Variants in MALT1 observed in about 807,000 individuals in gnomAD.
MALT1 encodes mucosa-associated lymphoid tissue lymphoma translocation protein 1.
A neutral mutation model predicts 85.5 loss-of-function variants in MALT1; 36 were observed. The ratio of observed to expected loss-of-function variants is 0.42; its 90% CI spans 0.32 to 0.56. The LOEUF (loss-of-function observed/expected upper bound fraction) is 0.56. Ranked by LOEUF, MALT1 falls within the 20% of genes least tolerant of loss-of-function variation. The pLI is 0.10. For synonymous variants in MALT1, 359 were observed against 361.3 expected (o/e 0.99, Z 0.07); for missense variants, 716 against 981.6 (o/e 0.73, Z 3.62).
At chr18:58,734,869 C>A (rs973208447) in intron 12 of MALT1, among the ~76,000 whole-genome samples, 3 of 152,030 alleles carry the variant, frequency 2.0e-5, no homozygotes, top group Non-Finnish European at 4.4e-5. Flanking sequence ...CTAACATTTT[C>A]TTTTTAAAAA....
chr18:58,677,728 G>T (rs957435572), intron 1 of MALT1: 1 of 152,154 alleles, frequency 6.6e-6, no homozygotes, highest in Non-Finnish European at 1.5e-5. Context: ...ACTGCAGATT[G>T]TGCTGCCACT....
intron 10 of MALT1, among the ~76,000 whole-genome samples, chr18:58,729,900 G>A (rs1255593408): frequency 1.3e-5 from 2 of 152,194 alleles, no homozygotes; most frequent in African/African-American, 4.8e-5. Context: ...TTGTCAGAAA[G>A]TGCTGCTACA....
chr18:58,742,030 T>C lies in MALT1; in HGVS notation c.1753+16T>C. ...AAGGCTCATGGTACGGTAAAGCCCA[T>C]TTTTTGTTAGATCTACAATATACTT... On this transcript the variant is annotated intron_variant, in intron 14 of 16. Coordinates refer to ENST00000649217, the MANE Select transcript of MALT1 (RefSeq NM_006785.4). The C allele has an allele frequency of 1.4e-6, 2 of 1,473,916 alleles. No homozygotes were observed. The highest frequency in any genetic ancestry group is 1.8e-6 in the Non-Finnish European group (2 of 1,090,610). The allele number at this position is 1,473,916 out of a possible 1,614,324, so 91.3% of individuals were successfully genotyped here. A position where few individuals can be genotyped will look rare whatever the true frequency, so the allele number is the denominator to read the frequency against.
At chr18:58,671,962 G>A in intron 1 of MALT1, 110 bp downstream of exon 1, 1 of 700,016 alleles carries the variant, frequency 1.4e-6, no homozygotes, top group Non-Finnish European at 2.0e-6. Context: ...CCGCCGGCGT[G>A]AGTGAGCGGA....
At chr18:58,743,139 C>T (rs2055324534) in intron 14 of MALT1, among the ~76,000 whole-genome samples, 1 of 152,078 alleles carries the variant, frequency 6.6e-6, no homozygotes. Flanking sequence ...CTTTGGGAGG[C>T]CAAGGTGGGT....
intron 7 of MALT1, among the ~76,000 whole-genome samples, chr18:58,712,711 G>A (rs1457356781): frequency 1.3e-5 from 2 of 152,128 alleles, no homozygotes; most frequent in East Asian, 3.9e-4. Context: ...ATAAGTGTCT[G>A]AGATGATGGA....
chr18:58,739,883 C>T (rs1290034369), intron 13 of MALT1, among the ~76,000 whole-genome samples: 1 of 152,186 alleles, frequency 6.6e-6, no homozygotes, highest in African/African-American at 2.4e-5. Flanking sequence ...CTGGAGAACT[C>T]TAATACAGAA....
chr18:58,720,829 A>G (rs1345831632), intron 9 of MALT1, among the ~76,000 whole-genome samples: 2 of 152,338 alleles, frequency 1.3e-5, no homozygotes, highest in Non-Finnish European at 2.9e-5. Context: ...ATTTACAAGC[A>G]TTTTACTACC....
chr18:58,696,243 AT>A, intron 2 of MALT1, 122 bp from the exon 3 acceptor site: 5 of 783,218 alleles, frequency 6.4e-6, no homozygotes, highest in Non-Finnish European at 9.1e-6. Context: ...TGAATGAGTG[AT>A]TTATGACAAA....
chr18:58,693,922 G>A (rs755353779), intron 2 of MALT1, among the ~76,000 whole-genome samples: 16 of 152,048 alleles, frequency 1.1e-4, no homozygotes, highest in Non-Finnish European at 4.4e-5. Context: ...CTGTCACATC[G>A]AAACTTGGGA....
chr18:58,704,537 A>G (rs1333752469), intron 4 of MALT1, among the ~76,000 whole-genome samples: 1 of 152,162 alleles, frequency 6.6e-6, no homozygotes, highest in Non-Finnish European at 1.5e-5. Flanking sequence ...GCTCACTGCA[A>G]CCTCTGCCTC....
At chr18:58,737,087 T>C (rs2055232183) in intron 13 of MALT1, among the ~76,000 whole-genome samples, 1 of 152,140 alleles carries the variant, frequency 6.6e-6, no homozygotes, top group South Asian at 2.1e-4. Flanking sequence ...ACACCTGTAA[T>C]CCCAGCACTT....
chr18:58,741,678 C>G, intron 13 of MALT1, 187 bp from the exon 14 acceptor site: 2 of 413,890 alleles, frequency 4.8e-6, no homozygotes, highest in South Asian at 7.5e-5. Context: ...TGAACACTTA[C>G]ACACATGAGT....
intron 2 of MALT1, among the ~76,000 whole-genome samples, chr18:58,688,196 G>C (rs1032447394): frequency 3.3e-5 from 5 of 151,918 alleles, no homozygotes; most frequent in Non-Finnish European, 7.4e-5. Context: ...AAACATGGGA[G>C]GTATTGCAAC....
At chr18:58,714,984 G>C (rs377445497) in intron 8 of MALT1, among the ~76,000 whole-genome samples, 1 of 152,136 alleles carries the variant, frequency 6.6e-6, no homozygotes, top group East Asian at 1.9e-4. Context: ...CCATTGGGCT[G>C]TGCTGACTGT....
rs2144285316 is a variant in MALT1, at chr18:58,671,669, A to G, written c.26A>G (p.Gln9Arg). ...ATGTCGCTGTTGGGGGACCCGCTACAGGCCCTGCCGCCCTCGGCCGCCCCC... is the reference window on the plus strand; with the variant it reads ...ATGTCGCTGTTGGGGGACCCGCTACGGGCCCTGCCGCCCTCGGCCGCCCCC... MSLLGDPL[Q>R]ALPPSAAPTG... The change falls in exon 1 of 17, where the codon CAG becomes CGG. Residue 9 changes from glutamine (Q) to arginine (R), a missense_variant. By Grantham distance (43) the Gln-to-Arg change is conservative. Transcript: ENST00000649217. 1 of 1,231,666 alleles carries G rather than the reference A, an allele frequency of 8.1e-7. No individual in the cohort carries two copies. Among genetic ancestry groups the G allele is most frequent in the Non-Finnish European group, 1.0e-6 (1 of 988,354 alleles). 76.3% of individuals were successfully genotyped at this position (1,231,666 alleles called of 1,614,324 possible).
intron 2 of MALT1, among the ~76,000 whole-genome samples, chr18:58,687,950 C>T (rs975246557): frequency 6.6e-6 from 1 of 152,234 alleles, no homozygotes; most frequent in African/African-American, 2.4e-5. Context: ...TCTCTGACTT[C>T]TTTGTAGATG....
chr18:58,735,129 C>G, intron 12 of MALT1, 73 bp from the exon 13 acceptor site: 1 of 1,313,778 alleles, frequency 7.6e-7, no homozygotes, highest in Non-Finnish European at 1.0e-6. Flanking sequence ...TTTTTATTAG[C>G]ATCCACATAT....
In MALT1 at chr18:58,710,905, T is replaced by G. The variant is rs1213202966; in HGVS notation, c.926-16T>G. The G allele has an allele frequency of 6.3e-7, 1 of 1,580,720 alleles. No individual in the cohort carries two copies. On this transcript the variant is annotated splice_polypyrimidine_tract_variant and intron_variant, in intron 6 of 16. Coordinates refer to ENST00000649217, the MANE Select transcript of MALT1 (RefSeq NM_006785.4). ...ATGAATTACAATATATTCAAATTTGTTTTTTCTGAAACAAGGAAGAACAGA... is the reference window on the plus strand; with the variant it reads ...ATGAATTACAATATATTCAAATTTGGTTTTTCTGAAACAAGGAAGAACAGA...
Sources: allele counts gnomAD v4.1 joint callset (sites outside exome capture counted in the v4.1 genomes callset), GRCh38; gene constraint gnomAD v4.1.1; transcripts MANE v1.5; gene names NCBI Gene and HGNC (gene_info 2026-07-23, HGNC 2026-07-21).